PKN2: variants seen among roughly 807,000 people sequenced by gnomAD.
The protein encoded by PKN2 is serine/threonine-protein kinase N2.
In PKN2, 38 loss-of-function variants were observed where a neutral mutation model predicts 119.1. The observed-to-expected ratio is 0.32, with a 90% CI of 0.25 to 0.42. PKN2 has a LOEUF of 0.42. Ranked by LOEUF, PKN2 falls within the 10% of genes least tolerant of loss-of-function variation. The pLI, the probability that PKN2 is intolerant of heterozygous loss-of-function variation, is 1.00. For missense variants in PKN2, 850 were observed against 1,165.1 expected (o/e 0.73, Z 3.94); for synonymous variants, 390 against 384.9 (o/e 1.01, Z -0.15).
intron 2 of PKN2, 66 bp from the exon 3 acceptor site, chr1:88,760,156 T>A: frequency 1.1e-6 from 1 of 905,980 alleles, no homozygotes; most frequent in Non-Finnish European, 1.7e-6. Context: ...ATTTGAAAAA[T>A]ATTAACTTCC....
chr1:88,784,200 T>C (rs539258362), intron 6 of PKN2, among the ~76,000 whole-genome samples: 38 of 143,122 alleles, frequency 2.7e-4, no homozygotes, highest in African/African-American at 9.6e-4. Flanking sequence ...CTTGGCTCAC[T>C]GCAACCTCTG....
At chr1:88,744,414 G>T (rs993453706) in intron 2 of PKN2, among the ~76,000 whole-genome samples, 1 of 151,902 alleles carries the variant, frequency 6.6e-6, no homozygotes, top group Non-Finnish European at 1.5e-5. Flanking sequence ...AGTGGTTAGG[G>T]GACTTCTGTT....
intron 2 of PKN2, among the ~76,000 whole-genome samples, chr1:88,750,326 T>C (rs987142261): frequency 6.6e-6 from 1 of 152,144 alleles, no homozygotes; most frequent in African/African-American, 2.4e-5. Context: ...TAGTCAGAAG[T>C]CCTCTAAGAA....
chr1:88,684,409 A>C lies in PKN2; in HGVS notation c.-172A>C, dbSNP rs1007165094. On this transcript the variant is annotated 5_prime_UTR_variant, in exon 1 of 22. Transcript: ENST00000370521. The stretch of plus-strand genomic sequence containing the variant: ...CCCTAGCTCCCCGCCGCTCTCGATG[A>C]ACCGGACGGAATAAGCCGCGCCTCC... 3.1e-4 allele frequency: 172 copies of C among 558,012 alleles called. No individual in the cohort carries two copies. The highest frequency in any genetic ancestry group is 4.9e-4 in the Non-Finnish European group (161 of 326,554). The allele number at this position is 558,012 out of a possible 1,614,324, so 34.6% of individuals were successfully genotyped here.
At position 88,771,533 on chromosome 1, in the gene PKN2, A is replaced by G. The variant is rs201013196; in HGVS notation, c.735A>G (p.Ser245=). ...AGAATGTAATGAAATTACTTGGCTCAGGAAAAGTAACAGACAGAAAAGCAC... is the reference window on the plus strand; with the variant it reads ...AGAATGTAATGAAATTACTTGGCTCGGGAAAAGTAACAGACAGAAAAGCAC... The part of the protein sequence containing the change: ...GAKNVMKLLG[S]GKVTDRKALS... Residue 245 remains serine (S), a synonymous_variant, in exon 5 of 22, where the codon TCA becomes TCG. Transcript: ENST00000370521. 4 of 1,604,094 alleles carry G rather than the reference A, an allele frequency of 2.5e-6. No individual in the cohort carries two copies. The highest frequency in any genetic ancestry group is 2.3e-5 in the South Asian group (2 of 87,574).
intron 15 of PKN2, among the ~76,000 whole-genome samples, chr1:88,812,056 T>TTTATTTA (rs1671801880): frequency 6.6e-6 from 1 of 152,226 alleles, no homozygotes; most frequent in Non-Finnish European, 1.5e-5. Flanking sequence ...AAGTTTTAAA[T>TTTATTTA]AAAGTTGGAT....
Position 88,772,603 on chromosome 1 carries a change from A to C in PKN2, c.985+724A>C, listed in dbSNP as rs143000465. ...TTGTCAGAGCATATGAGTTCTTTTT[A>C]CCTTTTGACTGTTGTGAGTAGACTG... On this transcript the variant is annotated intron_variant, in intron 6 of 21. Coordinates refer to ENST00000370521, the MANE Select transcript of PKN2 (RefSeq NM_006256.4). Among the ~76,000 whole-genome samples the C allele has an allele frequency of 5.8e-4, 89 of 152,148 alleles. No homozygotes were observed. In the East Asian group the frequency reaches 0.017, roughly 28 times the overall value.
At chr1:88,793,249 T>C (rs940150911) in intron 8 of PKN2, among the ~76,000 whole-genome samples, 1 of 152,248 alleles carries the variant, frequency 6.6e-6, no homozygotes, top group African/African-American at 2.4e-5. Context: ...TCTAATAGAT[T>C]TGTGTATTTT....
chr1:88,723,400 A>G (rs1570533867), intron 1 of PKN2, among the ~76,000 whole-genome samples: 1 of 143,356 alleles, frequency 7.0e-6, no homozygotes. Context: ...GGTGTAAGCC[A>G]CCGTGCCCTG....
chr1:88,708,191 G>A (rs528546572), intron 1 of PKN2, among the ~76,000 whole-genome samples: 14 of 151,226 alleles, frequency 9.3e-5, no homozygotes, highest in Middle Eastern at 3.4e-3. Flanking sequence ...TGTTAAACTC[G>A]AATATGGTTT....
chr1:88,817,319 T>C (rs1672035826), intron 16 of PKN2, among the ~76,000 whole-genome samples: 1 of 150,008 alleles, frequency 6.7e-6, no homozygotes, highest in Non-Finnish European at 1.5e-5. Context: ...TCTCAATAGA[T>C]GCAAAAAAGG....
intron 16 of PKN2, among the ~76,000 whole-genome samples, chr1:88,813,943 A>G (rs1671880951): frequency 1.3e-5 from 2 of 152,210 alleles, no homozygotes; most frequent in Non-Finnish European, 2.9e-5. Flanking sequence ...GCCCAAAACC[A>G]CAATTGATAC....
intron 1 of PKN2, among the ~76,000 whole-genome samples, chr1:88,695,494 A>C (rs1363462155): frequency 6.6e-6 from 1 of 151,990 alleles, no homozygotes; most frequent in Non-Finnish European, 1.5e-5. Flanking sequence ...CTTAACTCTT[A>C]TTGACACCCA....
chr1:88,714,240 G>A (rs1667355202), intron 1 of PKN2, among the ~76,000 whole-genome samples: 1 of 152,090 alleles, frequency 6.6e-6, no homozygotes, highest in South Asian at 2.1e-4. Flanking sequence ...TGTTCTTTTT[G>A]CTTAGGATTG....
Position 88,821,987 on chromosome 1 carries a change from C to A in PKN2, c.2326C>A (p.His776Asn). 6.4e-7 allele frequency: 1 copy of A among 1,572,078 alleles called. No individual in the cohort carries two copies. Among genetic ancestry groups the A allele is most frequent in the Non-Finnish European group, 8.6e-7 (1 of 1,163,112 alleles). ...TCTTGGGTTGCAGTATTTACATGAA[C>A]ACAAAATTGTTTATAGGTAAGTTAA... The part of the protein sequence containing the change: ...VVLGLQYLHE[H>N]KIVYRDLKLD... The change falls in exon 17 of 22, where the codon CAC (histidine) becomes AAC (asparagine). Residue 776 changes from histidine to asparagine, a missense_variant. By Grantham distance (68) the His-to-Asn change is moderately conservative (BLOSUM62 1). Coordinates refer to ENST00000370521, the MANE Select transcript of PKN2 (RefSeq NM_006256.4).
chr1:88,716,731 G>A (rs1398507511), intron 1 of PKN2, among the ~76,000 whole-genome samples: 1 of 152,044 alleles, frequency 6.6e-6, no homozygotes, highest in Non-Finnish European at 1.5e-5. Context: ...ACACTGATGG[G>A]TCTTGACTGT....
chr1:88,722,232 A>G (rs1217943371), intron 1 of PKN2, among the ~76,000 whole-genome samples: 1 of 152,236 alleles, frequency 6.6e-6, no homozygotes. Flanking sequence ...GAGGACAATT[A>G]TTAATAAAGT....
chr1:88,749,396 T>C (rs1487213635), intron 2 of PKN2, among the ~76,000 whole-genome samples: 1 of 122,100 alleles, frequency 8.2e-6, no homozygotes, highest in Admixed American at 9.3e-5. Context: ...AGTGCGAGAC[T>C]CCGTCTCAAA....
At chr1:88,705,268 T>C (rs1390198012) in intron 1 of PKN2, among the ~76,000 whole-genome samples, 1 of 152,178 alleles carries the variant, frequency 6.6e-6, no homozygotes, top group Non-Finnish European at 1.5e-5. Context: ...TGTTTTCTTC[T>C]AGAATTTTAG....
Sources: gnomAD v4.1 joint callset for allele counts (sites outside exome capture counted in the v4.1 genomes callset) on GRCh38, gnomAD v4.1.1 for gene constraint, MANE v1.5 for transcripts, NCBI Gene and HGNC (gene_info 2026-07-23, HGNC 2026-07-21) for gene names.